Variants in CFAP251 observed in about 807,000 individuals in gnomAD.
The protein encoded by CFAP251 is cilia- and flagella-associated protein 251.
In CFAP251, 93 loss-of-function variants were observed where a neutral mutation model predicts 126.7. The ratio of observed to expected loss-of-function variants is 0.73; its 90% CI spans 0.62 to 0.87. The LOEUF is 0.87. Among genes scored for constraint, CFAP251 ranks in the 40% least tolerant of loss-of-function variants. The pLI, the probability that CFAP251 is intolerant of heterozygous loss-of-function variation, is 0.00. For missense variants in CFAP251, 1,287 were observed against 1,389.2 expected, an observed-to-expected ratio of 0.93 and a Z score of 1.17; for synonymous variants, 503 against 506.9, an observed-to-expected ratio of 0.99 and a Z score of 0.10.
At chr12:121,927,653 T>C (rs1045293966) in intron 3 of CFAP251, among the ~76,000 whole-genome samples, 5 of 152,188 alleles carry the variant, frequency 3.3e-5, no homozygotes, top group African/African-American at 1.2e-4. Flanking sequence ...AGGTTGCTTC[T>C]AATTTCTTGC....
intron 10 of CFAP251, among the ~76,000 whole-genome samples, chr12:121,954,647 A>AAAAAC (rs1555217999): frequency 5.2e-5 from 7 of 135,094 alleles, no homozygotes; most frequent in Non-Finnish European, 8.5e-5. Flanking sequence ...AAAAAAAAAA[A>AAAAAC]AAAAAAAAAA....
intron 15 of CFAP251, among the ~76,000 whole-genome samples, chr12:121,964,587 C>T (rs983436982): frequency 3.3e-5 from 5 of 152,206 alleles, no homozygotes; most frequent in African/African-American, 9.7e-5. Flanking sequence ...GTGATACTCA[C>T]GTAACATAAA....
intron 17 of CFAP251, chr12:121,971,759 A>T (rs1009671523): frequency 1.6e-6 from 1 of 609,166 alleles, no homozygotes; most frequent in Non-Finnish European, 3.0e-6. Flanking sequence ...TCTTTGTGAT[A>T]TGGTTTGGCT....
At chr12:121,935,801 C>T (rs543694884) in intron 5 of CFAP251, among the ~76,000 whole-genome samples, 6 of 152,310 alleles carry the variant, frequency 3.9e-5, no homozygotes, top group South Asian at 4.2e-4. Flanking sequence ...GAGCTGGGTC[C>T]GGAAGGCCGG....
At chr12:121,976,646 C>G (rs925486646) in intron 19 of CFAP251, among the ~76,000 whole-genome samples, 2 of 152,182 alleles carry the variant, frequency 1.3e-5, no homozygotes, top group African/African-American at 2.4e-5. Flanking sequence ...CAGCTCACGC[C>G]TATAATCCAA....
chr12:121,984,227 G>T (rs978230688), intron 19 of CFAP251, among the ~76,000 whole-genome samples: 2 of 152,072 alleles, frequency 1.3e-5, no homozygotes, highest in South Asian at 4.2e-4. Flanking sequence ...CCCTTCTTTC[G>T]CAGAAAGCTG....
intron 19 of CFAP251, among the ~76,000 whole-genome samples, chr12:121,986,956 C>A (rs909177895): frequency 6.6e-6 from 1 of 152,018 alleles, no homozygotes; most frequent in Non-Finnish European, 1.5e-5. Flanking sequence ...GTATTCAGAA[C>A]AAAAACGAGA....
At chr12:121,936,303 C>T (rs1255890194) in intron 5 of CFAP251, among the ~76,000 whole-genome samples, 1 of 152,080 alleles carries the variant, frequency 6.6e-6, no homozygotes, top group Non-Finnish European at 1.5e-5. Context: ...AAAAGTTAGC[C>T]ACATGTGGTG....
In CFAP251 at chr12:121,957,081, G is replaced by A; in HGVS notation, c.1543G>A (p.Val515Ile). ...TVLTTIDSYIVTGDIKGNIKF... is the reference protein window; with the variant it reads ...TVLTTIDSYIITGDIKGNIKF... The stretch of plus-strand genomic sequence containing the variant: ...TGTTATTCTCCATTTCAGCTACATT[G>A]TCACAGGTGACATTAAGGGGAACAT... The change falls in exon 11 of 22, where the codon GTC becomes ATC. Residue 515 changes from valine (V) to isoleucine (I), a missense_variant. Physicochemically the swap from Val to Ile is conservative, Grantham distance 29 (BLOSUM62 3). Coordinates refer to ENST00000288912, the MANE Select transcript of CFAP251 (RefSeq NM_144668.6). 1 of 1,586,262 alleles carries A rather than the reference G, an allele frequency of 6.3e-7. No homozygotes were observed. Among genetic ancestry groups the A allele is most frequent in the African/African-American group, 1.4e-5 (1 of 73,748 alleles).
At chr12:122,001,299 G>A (rs558779039) in intron 20 of CFAP251, among the ~76,000 whole-genome samples, 198 bp from the exon 21 acceptor site, 2 of 151,770 alleles carry the variant, frequency 1.3e-5, no homozygotes, top group African/African-American at 4.8e-5. Flanking sequence ...CAAGTGATAC[G>A]CCCACCTTGG....
At chr12:121,960,994 G>A (rs56040016) in intron 14 of CFAP251, among the ~76,000 whole-genome samples, 3,620 of 152,302 alleles carry the variant, frequency 0.024, 102 homozygotes, top group South Asian at 0.14. Context: ...CAAGTTAGAA[G>A]GCAAGGAGCG....
chr12:121,921,249 G>A, intron 1 of CFAP251, 37 bp from the exon 2 acceptor site: 1 of 1,526,462 alleles, frequency 6.6e-7, no homozygotes. Flanking sequence ...ATGGGAAGCT[G>A]AGGGCCAGCT....
chr12:121,971,901 G>A (rs1326953679), intron 17 of CFAP251: 3 of 383,884 alleles, frequency 7.8e-6, no homozygotes, highest in East Asian at 5.7e-5. Flanking sequence ...TCTCGTGGTA[G>A]TGAATAAGTC....
Position 121,921,656 on chromosome 12 carries a change from C to T in CFAP251, c.351C>T (p.Ser117=). The T allele has an allele frequency of 6.2e-7, 1 of 1,607,950 alleles. No homozygotes were observed. Among genetic ancestry groups the T allele is most frequent in the Non-Finnish European group, 8.5e-7 (1 of 1,178,072 alleles). The change falls in exon 2 of 22, where the codon TCC becomes TCT. Residue 117 remains serine, a synonymous_variant. Transcript: ENST00000288912. ...MIRLETQITD[S]QSITSGIFPK... is the part of the protein sequence containing the mutation. ...GTTTGGAGACACAGATTACTGATTC[C>T]CAGTCAATCACATCAGGAATTTTCC...
At position 121,923,791 on chromosome 12, in the gene CFAP251, A is replaced by G; in HGVS notation, c.548A>G (p.Glu183Gly). 1 of 1,612,792 alleles carries G rather than the reference A, an allele frequency of 6.2e-7. No individual in the cohort carries two copies. The highest frequency in any genetic ancestry group is 8.5e-7 in the Non-Finnish European group (1 of 1,179,394). Residue 183 changes from glutamate (E) to glycine (G), a missense_variant, in exon 3 of 22, where the codon GAG becomes GGG. Glu to Gly is a moderately conservative substitution (Grantham distance 98). Transcript: ENST00000288912. The stretch of plus-strand genomic sequence containing the variant: ...GAAAGGCAGCCCTCAGGAGAGCTTG[A>G]GGAGAAAACCGACCGGATGCCCCAA... The part of the protein sequence containing the change: ...SPERQPSGEL[E>G]EKTDRMPQDE...
chr12:121,978,047 G>A (rs1266599785), intron 19 of CFAP251, among the ~76,000 whole-genome samples: 1 of 151,594 alleles, frequency 6.6e-6, no homozygotes, highest in Non-Finnish European at 1.5e-5. Flanking sequence ...ATATGTGTTT[G>A]TATGCTATAT....
rs768522187 is a variant in CFAP251 at position 121,942,992 on chromosome 12, C to A, written c.1191+17C>A. On this transcript the variant is annotated intron_variant, in intron 7 of 21. Coordinates refer to ENST00000288912, the MANE Select transcript of CFAP251 (RefSeq NM_144668.6). ...GGTGTTCAGGTGAGTTCAGTTGGAG[C>A]CTGTAAACATCAACCTGAAGTTATA... The A allele has an allele frequency of 1.9e-6, 3 of 1,613,714 alleles. No homozygotes were observed.
intron 3 of CFAP251, among the ~76,000 whole-genome samples, chr12:121,927,424 T>C (rs1166878717): frequency 2.0e-5 from 3 of 151,960 alleles, no homozygotes; most frequent in Admixed American, 6.6e-5. Context: ...CAGCCTCTCA[T>C]GTAGCTGGGA....
intron 15 of CFAP251, among the ~76,000 whole-genome samples, chr12:121,966,723 T>C (rs971187850): frequency 1.9e-4 from 28 of 151,314 alleles, no homozygotes; most frequent in Non-Finnish European, 3.8e-4. Flanking sequence ...GTAGCTGGGA[T>C]TGCAGGCACC....
Sources: allele counts gnomAD v4.1 joint callset (sites outside exome capture counted in the v4.1 genomes callset), GRCh38; gene constraint gnomAD v4.1.1; transcripts MANE v1.5; gene names NCBI Gene and HGNC (gene_info 2026-07-23, HGNC 2026-07-21).